The following NRG3 variants were observed in gnomAD, a reference collection of about 807,000 sequenced individuals.
The protein encoded by NRG3 is neuregulin 3.
A neutral mutation model predicts 66.9 loss-of-function variants in NRG3; 31 were observed. The ratio of observed to expected loss-of-function variants is 0.46; its 90% CI spans 0.35 to 0.63. NRG3 has a LOEUF of 0.63. Ranked by LOEUF, NRG3 falls within the 20% of genes least tolerant of loss-of-function variation. NRG3 has a pLI of 0.00. For missense variants in NRG3, 910 were observed against 878.9 expected, an observed-to-expected ratio of 1.04 and a Z score of -0.45; for synonymous variants, 393 against 359.4, an observed-to-expected ratio of 1.09 and a Z score of -1.06.
intron 1 of NRG3, among the ~76,000 whole-genome samples, chr10:81,884,886 A>G (rs1483938279): frequency 1.3e-5 from 2 of 152,000 alleles, no homozygotes; most frequent in African/African-American, 4.8e-5. Context: ...CATATCCATC[A>G]CCTCCAAAAA....
intron 3 of NRG3, among the ~76,000 whole-genome samples, chr10:82,823,118 G>GC (rs1250561112): frequency 1.3e-5 from 2 of 152,166 alleles, no homozygotes; most frequent in African/African-American, 2.4e-5. Flanking sequence ...ATCATTATCT[G>GC]CCACTCCAGG....
At chr10:82,375,131 T>G (rs1309614445) in intron 2 of NRG3, among the ~76,000 whole-genome samples, 3 of 152,200 alleles carry the variant, frequency 2.0e-5, no homozygotes, top group African/African-American at 7.2e-5. Flanking sequence ...GGAAAAATGT[T>G]CTCTGCAGCA....
intron 3 of NRG3, among the ~76,000 whole-genome samples, chr10:82,813,199 C>A (rs1172017099): frequency 6.9e-6 from 1 of 145,528 alleles, no homozygotes; most frequent in Non-Finnish European, 1.5e-5. Flanking sequence ...ATTATTCATA[C>A]CCTCTGTTTC....
intron 3 of NRG3, among the ~76,000 whole-genome samples, chr10:82,805,340 G>A (rs552964898): frequency 3.3e-5 from 5 of 152,204 alleles, no homozygotes; most frequent in Admixed American, 2.6e-4. Flanking sequence ...CATTTTTTCA[G>A]CATACTTTCA....
intron 1 of NRG3, among the ~76,000 whole-genome samples, chr10:82,351,963 C>T (rs1165272101): frequency 3.9e-5 from 6 of 152,210 alleles, no homozygotes; most frequent in Admixed American, 3.9e-4. Flanking sequence ...AGCATTCAAT[C>T]CTTAATGTAC....
intron 1 of NRG3, among the ~76,000 whole-genome samples, chr10:81,940,483 CTA>C (rs1389363425): frequency 6.6e-6 from 1 of 152,004 alleles, no homozygotes. Context: ...GTAGCTGGGA[CTA>C]TAAGTGTATG....
At chr10:82,032,267 T>C (rs2062604922) in intron 1 of NRG3, among the ~76,000 whole-genome samples, 1 of 152,090 alleles carries the variant, frequency 6.6e-6, no homozygotes, top group Non-Finnish European at 1.5e-5. Flanking sequence ...CTAAGAAAGC[T>C]AGCTTAGCAT....
chr10:82,058,858 T>C (rs2133212091), intron 1 of NRG3, among the ~76,000 whole-genome samples: 1 of 152,286 alleles, frequency 6.6e-6, no homozygotes, highest in South Asian at 2.1e-4. Context: ...GATACTCTGC[T>C]TGCCATGGGA....
intron 2 of NRG3, among the ~76,000 whole-genome samples, chr10:82,697,403 C>T (rs2055475984): frequency 6.6e-6 from 1 of 152,152 alleles, no homozygotes. Flanking sequence ...AAGGTGATCT[C>T]TGGATTTTGT....
chr10:82,373,153 A>T (rs1564849733), intron 2 of NRG3, among the ~76,000 whole-genome samples: 1 of 152,254 alleles, frequency 6.6e-6, no homozygotes, highest in Non-Finnish European at 1.5e-5. Flanking sequence ...TGGGTCAGGC[A>T]GCAGGTTACC....
chr10:82,501,008 C>T (rs1057395550), intron 2 of NRG3, among the ~76,000 whole-genome samples: 2 of 152,008 alleles, frequency 1.3e-5, no homozygotes. Context: ...ATATGCTGAA[C>T]TTTGCTAAGA....
At chr10:82,607,032 C>T (rs1288221963) in intron 2 of NRG3, among the ~76,000 whole-genome samples, 2 of 152,126 alleles carry the variant, frequency 1.3e-5, no homozygotes, top group Non-Finnish European at 2.9e-5. Context: ...CCTCCTGTCT[C>T]CTTGTTTGAC....
In NRG3 at chr10:82,366,173, G is replaced by A. The variant is rs1006018055; in HGVS notation, c.953+7305G>A. On this transcript the variant is annotated intron_variant, in intron 2 of 8. Transcript: ENST00000372141. The stretch of plus-strand genomic sequence containing the variant: ...ATTTTTTTAAGATAGTCTAATAGTT[G>A]CCCCAAAAGGCCAATGAAAGAATTG... 2.6e-5 allele frequency among the ~76,000 whole-genome samples: 4 copies of A among 152,144 alleles called. No homozygotes were observed. In the South Asian group the frequency reaches 8.3e-4, roughly 32 times the overall value.
Position 81,918,988 on chromosome 10 carries a change from C to CACACACAT in NRG3, c.823+42829_823+42836dup, listed in dbSNP as rs1564656983. Among the ~76,000 whole-genome samples, 23 of 151,036 alleles carry CACACACAT rather than the reference C, an allele frequency of 1.5e-4. No individual in the cohort carries two copies. The East Asian group carries it at 4.1e-3, about 27-fold the overall frequency. ...CATCATAACAAAACACACACACACA[C>CACACACAT]ACACACATACATACACACACACACA... On this transcript the variant is annotated intron_variant, in intron 1 of 8. Transcript: ENST00000372141.
At chr10:82,470,783 G>A (rs543148409) in intron 2 of NRG3, among the ~76,000 whole-genome samples, 9 of 152,278 alleles carry the variant, frequency 5.9e-5, no homozygotes, top group African/African-American at 2.2e-4. Context: ...GTTGTTTCCA[G>A]AAACAAGTCT....
intron 2 of NRG3, among the ~76,000 whole-genome samples, chr10:82,418,673 T>C (rs2088815013): frequency 6.6e-6 from 1 of 152,142 alleles, no homozygotes; most frequent in South Asian, 2.1e-4. Flanking sequence ...TGATCATAGC[T>C]TACTGTAGCC....
chr10:82,692,859 G>C (rs924166691), intron 2 of NRG3, among the ~76,000 whole-genome samples: 3 of 96,800 alleles, frequency 3.1e-5, no homozygotes, highest in African/African-American at 8.1e-5. Context: ...AGAACTGAGG[G>C]GAAAAATATA....
intron 1 of NRG3, among the ~76,000 whole-genome samples, chr10:82,251,724 A>G (rs2077498404): frequency 6.6e-6 from 1 of 152,130 alleles, no homozygotes; most frequent in Admixed American, 6.5e-5. Flanking sequence ...CAAGGTAGGG[A>G]TCTTCGTTAA....
intron 8 of NRG3, among the ~76,000 whole-genome samples, chr10:82,981,984 A>G (rs1348513998): frequency 6.6e-6 from 1 of 152,166 alleles, no homozygotes; most frequent in Non-Finnish European, 1.5e-5. Flanking sequence ...CACATTAAGG[A>G]TATCAGAGTT....
Sources: allele counts gnomAD v4.1 joint callset (sites outside exome capture counted in the v4.1 genomes callset), GRCh38; gene constraint gnomAD v4.1.1; transcripts MANE v1.5; gene names NCBI Gene and HGNC (gene_info 2026-07-23, HGNC 2026-07-21).